AKAP7: variants seen among roughly 807,000 people sequenced by gnomAD.
AKAP7 encodes the protein A kinase (PRKA) anchor protein 7.
Under a neutral mutation model 39.5 loss-of-function variants are expected in AKAP7, and 39 were observed. That is an observed-to-expected ratio of 0.99 (90% CI 0.76 to 1.29). AKAP7 has a LOEUF of 1.29. Ranked by LOEUF, AKAP7 falls within the 50% of genes most tolerant of loss-of-function variation. The pLI is 0.00. For missense variants in AKAP7, 414 were observed against 407.7 expected (o/e 1.02, Z -0.13); for synonymous variants, 140 against 139.1 (o/e 1.01, Z -0.05).
intron 3 of AKAP7, among the ~76,000 whole-genome samples, chr6:131,162,675 C>T (rs141224087): frequency 1.8e-4 from 28 of 152,188 alleles, no homozygotes; most frequent in South Asian, 8.3e-4. Flanking sequence ...TTTTTCTGCC[C>T]GAGCTCTTCT....
At chr6:131,185,956 GT>G (rs1805808868) in intron 5 of AKAP7, among the ~76,000 whole-genome samples, 3 of 152,070 alleles carry the variant, frequency 2.0e-5, no homozygotes, top group Admixed American at 1.3e-4. Context: ...TAACTCTTAT[GT>G]TTAGATCTTT....
At chr6:131,265,332 G>A (rs891530314) in intron 7 of AKAP7, among the ~76,000 whole-genome samples, 1 of 152,006 alleles carries the variant, frequency 6.6e-6, no homozygotes, top group African/African-American at 2.4e-5. Flanking sequence ...ATGGGGTTTC[G>A]CCATGTTGGC....
At chr6:131,270,044 G>A (rs1171611708) in intron 7 of AKAP7, among the ~76,000 whole-genome samples, 1 of 152,154 alleles carries the variant, frequency 6.6e-6, no homozygotes, top group African/African-American at 2.4e-5. Flanking sequence ...GGCTGAACTT[G>A]TCCCTCATCA....
rs562163911 is a variant in AKAP7 at position 131,159,194 on chromosome 6, T to C, written c.152-865T>C. On this transcript the variant is annotated intron_variant, in intron 2 of 7. Transcript: ENST00000431975. ...CTCCAAGCTCTGCCTCCTGGGTTCA[T>C]GCCATTCTCCTGCCTCAGCCTCCTG... is the stretch of plus-strand genomic sequence containing the variant. Among the ~76,000 whole-genome samples the C allele has an allele frequency of 9.9e-5, 15 of 152,244 alleles. No homozygotes were observed. The South Asian group carries it at 1.7e-3, about 17-fold the overall frequency.
rs868569334 is a variant in AKAP7 at position 131,246,680 on chromosome 6, A to G, written c.850+26872A>G. ...GCAACAGTGCTAGGCTCCAGCCCCA[A>G]AAAGGGTCTATCTTTAGGTCCTTTG... On this transcript the variant is annotated intron_variant, in intron 7 of 7. Transcript: ENST00000431975. Among the ~76,000 whole-genome samples the G allele has an allele frequency of 9.8e-5, 15 of 152,294 alleles. No homozygotes were observed. The South Asian group carries it at 1.2e-3, about 13-fold the overall frequency.
chr6:131,202,431 T>TA (rs1562209627), intron 6 of AKAP7, among the ~76,000 whole-genome samples: 2 of 149,940 alleles, frequency 1.3e-5, no homozygotes. Flanking sequence ...TATGCAGCCA[T>TA]AAAAAATGAT....
intron 6 of AKAP7, among the ~76,000 whole-genome samples, chr6:131,207,962 C>T (rs78621322): frequency 0.025 from 3,836 of 152,194 alleles, 150 homozygotes; most frequent in African/African-American, 0.08. Flanking sequence ...TTGAATCTCC[C>T]GGTGTCAGAT....
chr6:131,135,610 A>G lies in AKAP7; in HGVS notation c.-154A>G. The stretch of plus-strand genomic sequence containing the variant: ...TGGCCTCCGCCGCCCGGGCCCCCGC[A>G]GCCTGTCGCTGGACCCCGCGCCGGC... On this transcript the variant is annotated 5_prime_UTR_variant, in exon 1 of 8. Coordinates refer to ENST00000431975, the MANE Select transcript of AKAP7 (RefSeq NM_016377.4). 1.7e-6 allele frequency: 1 copy of G among 605,988 alleles called. No individual in the cohort carries two copies. Among genetic ancestry groups the G allele is most frequent in the East Asian group, 1.4e-4 (1 of 7,366 alleles). The allele number at this position is 605,988 out of a possible 1,614,324, so 37.5% of individuals were successfully genotyped here. A position where few individuals can be genotyped will look rare whatever the true frequency, so the allele number is the denominator to read the frequency against.
chr6:131,132,053 C>T (rs1800340308), upstream of AKAP7, among the ~76,000 whole-genome samples: 1 of 152,136 alleles, frequency 6.6e-6, no homozygotes, highest in Non-Finnish European at 1.5e-5. Context: ...TGGGTCACAA[C>T]TGTAATCCCA....
rs532915335 is a variant in AKAP7 at position 131,246,903 on chromosome 6, G to C, written c.850+27095G>C. On this transcript the variant is annotated intron_variant, in intron 7 of 7. Transcript: ENST00000431975. The stretch of plus-strand genomic sequence containing the variant: ...ATTGTGTTTAATAATACAGAACTCT[G>C]GATCAAATGCTTAGGGTTTGTAGAG... Among the ~76,000 whole-genome samples, 41 of 152,198 alleles carry C rather than the reference G, an allele frequency of 2.7e-4. No homozygotes were observed. The East Asian group carries it at 7.0e-3, about 26-fold the overall frequency.
chr6:131,237,001 C>T (rs1386214571), intron 7 of AKAP7, among the ~76,000 whole-genome samples: 1 of 152,120 alleles, frequency 6.6e-6, no homozygotes, highest in Admixed American at 6.5e-5. Flanking sequence ...AAAGGGAATG[C>T]TTCCAGTTTT....
At chr6:131,251,210 T>A (rs1812421851) in intron 7 of AKAP7, among the ~76,000 whole-genome samples, 2 of 152,254 alleles carry the variant, frequency 1.3e-5, no homozygotes, top group African/African-American at 4.8e-5. Context: ...CCACAGCGGC[T>A]TGTGCCTAGA....
chr6:131,145,425 T>G lies in AKAP7; in HGVS notation c.151+9T>G, dbSNP rs202088707. ...TCAGGATGACTGTGGAAGTAAGTACTTTATTAAGTAAACGCGTATTTAGAA... is the reference window on the plus strand; with the variant it reads ...TCAGGATGACTGTGGAAGTAAGTACGTTATTAAGTAAACGCGTATTTAGAA... On this transcript the variant is annotated intron_variant, in intron 2 of 7. Transcript: ENST00000431975. The G allele has an allele frequency of 9.7e-6, 14 of 1,441,826 alleles. No individual in the cohort carries two copies. Among genetic ancestry groups the G allele is most frequent in the Non-Finnish European group, 1.2e-5 (13 of 1,088,022 alleles). 89.3% of individuals were successfully genotyped at this position (1,441,826 alleles called of 1,614,324 possible). A position where few individuals can be genotyped will look rare whatever the true frequency, so the allele number is the denominator to read the frequency against.
chr6:131,184,472 C>T (rs1241503929), intron 5 of AKAP7: 1 of 664,908 alleles, frequency 1.5e-6, no homozygotes. Context: ...ATCACAAAAG[C>T]CCAGCTGGTC....
At chr6:131,253,000 A>T (rs1202570093) in intron 7 of AKAP7, 1 of 1,608,834 alleles carries the variant, frequency 6.2e-7, no homozygotes, top group South Asian at 1.1e-5. Context: ...GTTTTTGGTG[A>T]AAGTTTAAAT....
chr6:131,260,417 A>G (rs903654960), intron 7 of AKAP7, among the ~76,000 whole-genome samples: 2 of 152,186 alleles, frequency 1.3e-5, no homozygotes, highest in African/African-American at 2.4e-5. Flanking sequence ...TTACATTCCC[A>G]CCAACAGTGT....
chr6:131,190,866 G>A (rs1438319925), intron 5 of AKAP7, among the ~76,000 whole-genome samples: 1 of 152,094 alleles, frequency 6.6e-6, no homozygotes, highest in Admixed American at 6.5e-5. Flanking sequence ...TGATTGGGAA[G>A]TCCTTCTTCT....
chr6:131,275,717 G>T (rs999751814), intron 7 of AKAP7, among the ~76,000 whole-genome samples: 6 of 152,204 alleles, frequency 3.9e-5, no homozygotes, highest in South Asian at 2.1e-4. Context: ...AAGTCACAGG[G>T]CTCATCCTGA....
chr6:131,283,121 T>C lies in AKAP7; in HGVS notation c.*1395T>C, dbSNP rs896322670. Reference sequence around the variant, plus strand: ...TTATTGCGATCACTGGTTAAGAATGTTTTATATATCCTTATAATATTTTTC... The same window carrying C: ...TTATTGCGATCACTGGTTAAGAATGCTTTATATATCCTTATAATATTTTTC... On this transcript the variant is annotated 3_prime_UTR_variant, in exon 8 of 8. Transcript: ENST00000431975. 6.5e-6 allele frequency: 1 copy of C among 152,860 alleles called. No individual in the cohort carries two copies. The highest frequency in any genetic ancestry group is 1.5e-5 in the Non-Finnish European group (1 of 68,180). The allele number at this position is 152,860 out of a possible 1,614,324, so 9.5% of individuals were successfully genotyped here.
Sources: allele counts gnomAD v4.1 joint callset (sites outside exome capture counted in the v4.1 genomes callset), GRCh38; gene constraint gnomAD v4.1.1; transcripts MANE v1.5; gene names NCBI Gene and HGNC (gene_info 2026-07-23, HGNC 2026-07-21).